The following LAMA5 variants were observed in gnomAD, a reference collection of about 807,000 sequenced individuals.
The protein encoded by LAMA5 is laminin subunit alpha-5.
Under a neutral mutation model 433.4 loss-of-function variants are expected in LAMA5, and 260 were observed. The ratio of observed to expected loss-of-function variants is 0.60; its 90% CI spans 0.54 to 0.66. LAMA5 has a LOEUF of 0.66. LAMA5 is among the 30% of genes least tolerant of loss of function. LAMA5 has a pLI of 0.00. For missense variants in LAMA5, 5,378 were observed against 5,258.5 expected, an observed-to-expected ratio of 1.02 and a Z score of -0.70; for synonymous variants, 2,620 against 2,226.6, an observed-to-expected ratio of 1.18 and a Z score of -4.97.
chr20:62,358,695 C>CA (rs1252601807), intron 2 of LAMA5, among the ~76,000 whole-genome samples: 5 of 152,176 alleles, frequency 3.3e-5, no homozygotes, highest in African/African-American at 4.8e-5. Context: ...ACAGCATGGC[C>CA]AACCCCACAG....
At position 62,346,616 on chromosome 20, in the gene LAMA5, T is replaced by C; in HGVS notation, c.1192-20A>G. The C allele has an allele frequency of 6.2e-7, 1 of 1,611,004 alleles. No homozygotes were observed. The highest frequency in any genetic ancestry group is 8.5e-7 in the Non-Finnish European group (1 of 1,178,784). ...GTGGTGCTGGGAGTGCAATGGCCGT[T>C]GAGTCTGGGGAGGTCCCTGCCCCAC... On this transcript the variant is annotated intron_variant, in intron 8 of 79. Transcript: ENST00000252999.
rs541008807 is a variant in LAMA5 at position 62,314,336 on chromosome 20, A to G, written c.8472T>C (p.Ile2824=). The change falls in exon 62 of 80, where the codon ATT becomes ATC. Residue 2824 remains isoleucine, a synonymous_variant. Transcript: ENST00000252999. The stretch of plus-strand genomic sequence containing the variant: ...GGCTGACAGCTGCGAACTGCTCCCC[A>G]ATGTCCTCATCGATGCTTAGGACTG... ...GPAVLSIDED[I]GEQFAAVSLD... is the part of the protein sequence containing the mutation. 2 of 1,613,280 alleles carry G rather than the reference A, an allele frequency of 1.2e-6. No individual in the cohort carries two copies. The highest frequency in any genetic ancestry group is 1.7e-4 in the Middle Eastern group (1 of 6,058).
chr20:62,346,820 G>A lies in LAMA5; in HGVS notation c.1073-20C>T. The A allele has an allele frequency of 6.2e-7, 1 of 1,608,434 alleles. No homozygotes were observed. Among genetic ancestry groups the A allele is most frequent in the East Asian group, 2.2e-5 (1 of 44,832 alleles). ...TACAGGCTAGAGAGAGGGGAGCGCA[G>A]CTGTTGGCACGCCCTCCACAGGCCC... On this transcript the variant is annotated intron_variant, in intron 7 of 79. Coordinates refer to ENST00000252999, the MANE Select transcript of LAMA5 (RefSeq NM_005560.6).
chr20:62,318,526 G>T lies in LAMA5; in HGVS notation c.7167C>A (p.Asn2389Lys). The change falls in exon 53 of 80, where the codon AAC (asparagine) becomes AAA (lysine). Residue 2389 changes from asparagine (N) to lysine (K), a missense_variant. Physicochemically the swap from Asn to Lys is moderately conservative, Grantham distance 94. Coordinates refer to ENST00000252999, the MANE Select transcript of LAMA5 (RefSeq NM_005560.6). Reference protein sequence around the residue: ...AGLMDLREALNRAVDATREAQ... With the variant: ...AGLMDLREALKRAVDATREAQ... Reference sequence around the variant, plus strand: ...CCTCCCGTGTGGCGTCCACTGCCCGGTTCAAAGCCTCTCGCAGGTCCATGA... The same window carrying T: ...CCTCCCGTGTGGCGTCCACTGCCCGTTTCAAAGCCTCTCGCAGGTCCATGA... 2.5e-6 allele frequency: 4 copies of T among 1,609,754 alleles called. No homozygotes were observed. The highest frequency in any genetic ancestry group is 2.5e-6 in the Non-Finnish European group (3 of 1,179,042).
At position 62,325,337 on chromosome 20, in the gene LAMA5, G is replaced by A; in HGVS notation, c.5508C>T (p.Ser1836=). 1 of 1,593,072 alleles carries A rather than the reference G, an allele frequency of 6.3e-7. No individual in the cohort carries two copies. The highest frequency in any genetic ancestry group is 8.6e-7 in the Non-Finnish European group (1 of 1,167,254). The change falls in exon 41 of 80, where the codon AGC becomes AGT. Residue 1836 remains serine, a synonymous_variant. Transcript: ENST00000252999. ...SNVELCLCPA[S]YRGDSCQECA... is the part of the protein sequence containing the mutation. Reference sequence around the variant, plus strand: ...TCACCTGGCATGAGTCCCCCCGGTAGCTGGCGGGGCACAGGCACAGCTCCA... The same window carrying A: ...TCACCTGGCATGAGTCCCCCCGGTAACTGGCGGGGCACAGGCACAGCTCCA...
At chr20:62,337,756 A>G (rs765697283) in intron 15 of LAMA5, 29 bp from the exon 16 acceptor site, 4 of 1,608,020 alleles carry the variant, frequency 2.5e-6, no homozygotes, top group South Asian at 1.1e-5. Context: ...GTGGGCACGC[A>G]GTGGAGACTG....
In LAMA5 at chr20:62,309,465, G is replaced by T; in HGVS notation, c.10959C>A (p.Ala3653=). ...AGTAGGCGGGGGGCCAGGGCTGCAC[G>T]GCCATGGGCTCTGGGGGCACAGGGA... ...LYLGGLPEPM[A]VQPWPPAYCG... is the part of the protein sequence containing the mutation. The change falls in exon 80 of 80, where the codon GCC becomes GCA. Residue 3653 remains alanine, a synonymous_variant. Coordinates refer to ENST00000252999, the MANE Select transcript of LAMA5 (RefSeq NM_005560.6). 1.3e-6 allele frequency: 2 copies of T among 1,580,790 alleles called. No individual in the cohort carries two copies. The highest frequency in any genetic ancestry group is 1.7e-6 in the Non-Finnish European group (2 of 1,172,778).
At chr20:62,321,431 G>C (rs1211625956) in intron 48 of LAMA5, among the ~76,000 whole-genome samples, 6 of 4,778 alleles carry the variant, frequency 1.3e-3, no homozygotes, top group Middle Eastern at 0.1. Flanking sequence ...GGTCAGTGGA[G>C]GGGTAGGGCC....
Position 62,333,876 on chromosome 20 carries a change from G to A in LAMA5, c.2878+25C>T, listed in dbSNP as rs780433849. 21 of 1,544,882 alleles carry A rather than the reference G, an allele frequency of 1.4e-5. No individual in the cohort carries two copies. In the South Asian group the frequency reaches 1.4e-4, roughly 11 times the overall value. On this transcript the variant is annotated intron_variant, in intron 23 of 79. Transcript: ENST00000252999. ...GGTGGGCTGGGCTGGTGGGGCAGGG[G>A]CTGTGGCCCAGGGACCCCACTCACA...
rs1219333360 is a variant in LAMA5, at chr20:62,314,918, G to T, written c.8077C>A (p.Leu2693Met). 3 of 1,606,642 alleles carry T rather than the reference G, an allele frequency of 1.9e-6. No homozygotes were observed. Among genetic ancestry groups the T allele is most frequent in the East Asian group, 2.2e-5 (1 of 44,818 alleles). Residue 2693 changes from leucine to methionine, a missense_variant, in exon 60 of 80, where the codon CTG becomes ATG. Physicochemically the swap from Leu to Met is conservative, Grantham distance 15. Coordinates refer to ENST00000252999, the MANE Select transcript of LAMA5 (RefSeq NM_005560.6). Reference sequence around the variant, plus strand: ...TCCAGGATGCTCAGCTTGGCCAGCAGCTGGGGCAGCGTCTTCTCCAGGGTG... The same window carrying T: ...TCCAGGATGCTCAGCTTGGCCAGCATCTGGGGCAGCGTCTTCTCCAGGGTG... ...VSTLEKTLPQ[L>M]LAKLSILENR...
At position 62,333,185 on chromosome 20, in the gene LAMA5, C is replaced by A; in HGVS notation, c.3187G>T (p.Ala1063Ser). 6.6e-7 allele frequency: 1 copy of A among 1,521,208 alleles called. No homozygotes were observed. The allele number at this position is 1,521,208 out of a possible 1,614,324, so 94.2% of individuals were successfully genotyped here. The change falls in exon 26 of 80, where the codon GCC (alanine) becomes TCC (serine). Residue 1063 changes from alanine to serine, a missense_variant. Physicochemically the swap from Ala to Ser is moderately conservative, Grantham distance 99. Coordinates refer to ENST00000252999, the MANE Select transcript of LAMA5 (RefSeq NM_005560.6). ...DGFPSAAGLEALCRQDNSLPR... is the reference protein window; with the variant it reads ...DGFPSAAGLESLCRQDNSLPR... ...AGGCTGTTGTCCTGGCGACACAGGGCCTCCAGCCCGGCGGCCGAGGGGAAG... is the reference window on the plus strand; with the variant it reads ...AGGCTGTTGTCCTGGCGACACAGGGACTCCAGCCCGGCGGCCGAGGGGAAG...
chr20:62,365,069 C>T (rs1239655773), intron 1 of LAMA5, among the ~76,000 whole-genome samples: 1 of 152,288 alleles, frequency 6.6e-6, no homozygotes, highest in Non-Finnish European at 1.5e-5. Flanking sequence ...CATACCCGTC[C>T]AGCTCACGTC....
At position 62,314,601 on chromosome 20, in the gene LAMA5, C is replaced by T; in HGVS notation, c.8321G>A (p.Gly2774Glu). The T allele has an allele frequency of 1.2e-6, 2 of 1,612,272 alleles. No individual in the cohort carries two copies. Among genetic ancestry groups the T allele is most frequent in the Non-Finnish European group, 1.7e-6 (2 of 1,179,816 alleles). Reference sequence around the variant, plus strand: ...CACAAAGCGATCCTCGGTACCCTGCCCAGGCTCAGGCTCTGGGCCCTGCAG... The same window carrying T: ...CACAAAGCGATCCTCGGTACCCTGCTCAGGCTCAGGCTCTGGGCCCTGCAG... The part of the protein sequence containing the change: ...FYLQGPEPEP[G>E]QGTEDRFVMY... Residue 2774 changes from glycine (G) to glutamate (E), a missense_variant, in exon 61 of 80, where the codon GGG (glycine) becomes GAG (glutamate). Gly to Glu is a moderately conservative substitution (Grantham distance 98). Transcript: ENST00000252999.
chr20:62,335,025 GCAGCCAAAATAGT>G lies in LAMA5; in HGVS notation c.2465_2477del (p.Asp822AlafsTer95). On this transcript the variant is annotated frameshift_variant, in exon 20 of 80. Coordinates refer to ENST00000252999, the MANE Select transcript of LAMA5 (RefSeq NM_005560.6). LOFTEE classifies it high-confidence loss of function. ...GACGAGCGAGTGGGCACTCACTGCG[GCAGCCAAAATAGT>G]CAGCCTGATCCAGTCCAAAGAAGCC... 1.2e-6 allele frequency: 2 copies of G among 1,612,524 alleles called. No individual in the cohort carries two copies. The highest frequency in any genetic ancestry group is 1.7e-6 in the Non-Finnish European group (2 of 1,179,490).
At chr20:62,352,113 C>G in intron 4 of LAMA5, 34 bp from the exon 5 acceptor site, 1 of 1,603,908 alleles carries the variant, frequency 6.2e-7, no homozygotes, top group Non-Finnish European at 8.5e-7. Context: ...CAGTGTGGCC[C>G]TAGCCCCTGC....
chr20:62,357,773 G>C (rs7269391), intron 2 of LAMA5, among the ~76,000 whole-genome samples: 1 of 152,200 alleles, frequency 6.6e-6, no homozygotes, highest in Non-Finnish European at 1.5e-5. Flanking sequence ...AGGAGTGGGC[G>C]GGGGGACAGG....
intron 13 of LAMA5, 39 bp from the exon 14 acceptor site, chr20:62,338,189 C>T (rs570500689): frequency 1.8e-5 from 29 of 1,568,870 alleles, no homozygotes; most frequent in East Asian, 1.1e-4. Context: ...GCCAGGCCCA[C>T]GGGCCTCCCC....
intron 41 of LAMA5, 117 bp downstream of exon 41, chr20:62,325,199 G>A: frequency 1.5e-6 from 1 of 679,024 alleles, no homozygotes; most frequent in Admixed American, 3.2e-5. Flanking sequence ...GGCAGGAAGA[G>A]AGGTGAGTAG....
Position 62,312,659 on chromosome 20 carries a change from C to A in LAMA5, c.9200G>T (p.Gly3067Val). ...LELADAYYLGGVPPDQLPPSL... is the reference protein window; with the variant it reads ...LELADAYYLGVVPPDQLPPSL... ...CGGGGGCAGCTGGTCGGGCGGCACG[C>A]CCCCCAGGTAGTAGGCGTCGGCCAG... The change falls in exon 67 of 80, where the codon GGC becomes GTC. Residue 3067 changes from glycine (G) to valine (V), a missense_variant. By Grantham distance (109) the Gly-to-Val change is moderately radical. Coordinates refer to ENST00000252999, the MANE Select transcript of LAMA5 (RefSeq NM_005560.6). The A allele has an allele frequency of 1.2e-6, 2 of 1,606,976 alleles. No homozygotes were observed. Among genetic ancestry groups the A allele is most frequent in the Non-Finnish European group, 1.7e-6 (2 of 1,177,642 alleles).
Sources: gnomAD v4.1 joint callset for allele counts (sites outside exome capture counted in the v4.1 genomes callset) on GRCh38, gnomAD v4.1.1 for gene constraint, MANE v1.5 for transcripts, NCBI Gene and HGNC (gene_info 2026-07-23, HGNC 2026-07-21) for gene names.